Variants in CSMD1 observed in about 807,000 individuals in gnomAD.
CSMD1 encodes the protein CUB and sushi domain-containing protein 1.
CSMD1 carries 213 observed loss-of-function variants against 417.5 expected under a neutral mutation model. The ratio of observed to expected loss-of-function variants is 0.51; its 90% CI spans 0.46 to 0.57. The LOEUF is 0.57. CSMD1 is among the 20% of genes least tolerant of loss of function. The probability of loss-of-function intolerance (pLI) is 0.00; values close to 1 mark genes in which losing one functional copy is unlikely to be tolerated. For missense variants in CSMD1, 6,923 were observed against 4,529.7 expected (o/e 1.53, Z -15.17); for synonymous variants, 2,862 against 1,736.8 (o/e 1.65, Z -16.11).
At position 4,392,875 on chromosome 8, in the gene CSMD1, A is replaced by C. The variant is rs1803945568; in HGVS notation, c.415+27078T>G. Among the ~76,000 whole-genome samples, 3 of 152,052 alleles carry C rather than the reference A, an allele frequency of 2.0e-5. No homozygotes were observed. The South Asian group carries it at 6.2e-4, about 32-fold the overall frequency. On this transcript the variant is annotated intron_variant, in intron 3 of 69. Transcript: ENST00000635120. Reference sequence around the variant, plus strand: ...CCCAGCTACCCAGGGAGGCTAAGGCAGGAGAATTGCTTGAACCCAGGAGAC... The same window carrying C: ...CCCAGCTACCCAGGGAGGCTAAGGCCGGAGAATTGCTTGAACCCAGGAGAC...
At chr8:4,668,110 G>C in intron 1 of CSMD1, among the ~76,000 whole-genome samples, 1 of 152,090 alleles carries the variant, frequency 6.6e-6, no homozygotes, top group Middle Eastern at 3.2e-3. Flanking sequence ...GTAGCTTTTA[G>C]CAGATATTGC....
intron 5 of CSMD1, among the ~76,000 whole-genome samples, chr8:3,768,978 C>G (rs755672519): frequency 6.6e-6 from 1 of 152,208 alleles, no homozygotes; most frequent in Admixed American, 6.5e-5. Flanking sequence ...AAAGGCCTGG[C>G]GGATTCCCGC....
chr8:3,801,035 A>C (rs1038295997), intron 5 of CSMD1, among the ~76,000 whole-genome samples: 21 of 152,194 alleles, frequency 1.4e-4, no homozygotes, highest in African/African-American at 5.1e-4. Flanking sequence ...CAAAAGAGTA[A>C]ATCTTTATAA....
At chr8:4,091,276 A>C (rs1001163082) in intron 3 of CSMD1, among the ~76,000 whole-genome samples, 17 of 152,166 alleles carry the variant, frequency 1.1e-4, no homozygotes, top group African/African-American at 3.6e-4. Flanking sequence ...TAATAATCTA[A>C]TAAAATTTCC....
intron 5 of CSMD1, among the ~76,000 whole-genome samples, chr8:3,805,186 A>T (rs1168960120): frequency 6.6e-6 from 1 of 152,178 alleles, no homozygotes; most frequent in African/African-American, 2.4e-5. Context: ...ATTCCCCAGG[A>T]CTACAACATG....
chr8:4,596,442 T>C (rs1404694545), intron 2 of CSMD1, among the ~76,000 whole-genome samples: 1 of 152,192 alleles, frequency 6.6e-6, no homozygotes, highest in African/African-American at 2.4e-5. Flanking sequence ...ATAGCAATTT[T>C]GATCATTATG....
intron 8 of CSMD1, among the ~76,000 whole-genome samples, chr8:3,601,794 G>A (rs747540490): frequency 5.9e-4 from 90 of 152,264 alleles, no homozygotes; most frequent in Admixed American, 4.1e-3. Context: ...TTTCCAATTC[G>A]TTTAAAAACT....
chr8:3,903,859 G>A (rs183814317), intron 5 of CSMD1, among the ~76,000 whole-genome samples: 1 of 151,778 alleles, frequency 6.6e-6, no homozygotes, highest in Non-Finnish European at 1.5e-5. Flanking sequence ...GTTTGTTAGG[G>A]AGTCATTGCC....
intron 5 of CSMD1, among the ~76,000 whole-genome samples, chr8:3,835,123 CTGTAAA>C (rs1347417336): frequency 6.8e-6 from 1 of 147,780 alleles, no homozygotes; most frequent in Non-Finnish European, 1.5e-5. Flanking sequence ...GTTGGTGGGA[CTGTAAA>C]CTAGTCCAAC....
chr8:4,104,795 G>C (rs1801485684), intron 3 of CSMD1, among the ~76,000 whole-genome samples: 1 of 152,172 alleles, frequency 6.6e-6, no homozygotes, highest in Non-Finnish European at 1.5e-5. Flanking sequence ...GCTATTTGCT[G>C]ACCTTTACGA....
At chr8:4,077,306 T>TATATGTACATATATATATATGTATATAC (rs1554439900) in intron 3 of CSMD1, among the ~76,000 whole-genome samples, 1 of 138,574 alleles carries the variant, frequency 7.2e-6, no homozygotes, top group African/African-American at 2.7e-5. Context: ...TGTATATATA[T>TATATGTACATATATATATATGTATATAC]ATATATATAT....
At chr8:3,753,066 G>C (rs1797442401) in intron 6 of CSMD1, among the ~76,000 whole-genome samples, 2 of 152,186 alleles carry the variant, frequency 1.3e-5, no homozygotes, top group Admixed American at 6.5e-5. Flanking sequence ...GCAGCATGGA[G>C]GATGCTGTAA....
chr8:3,864,988 T>C (rs779753242), intron 5 of CSMD1, among the ~76,000 whole-genome samples: 1 of 152,240 alleles, frequency 6.6e-6, no homozygotes, highest in Non-Finnish European at 1.5e-5. Context: ...TGACATCATC[T>C]GCTTTAGTCT....
chr8:3,815,510 T>C (rs1031401261), intron 5 of CSMD1, among the ~76,000 whole-genome samples: 2 of 151,506 alleles, frequency 1.3e-5, no homozygotes, highest in Admixed American at 6.6e-5. Context: ...TGTAAGACTA[T>C]GTTTAAACAA....
intron 3 of CSMD1, among the ~76,000 whole-genome samples, chr8:4,377,887 A>C (rs951523053): frequency 1.3e-5 from 2 of 152,240 alleles, no homozygotes; most frequent in African/African-American, 4.8e-5. Flanking sequence ...GAATTGAATT[A>C]GTATGGATTA....
At chr8:4,078,778 G>C (rs547802903) in intron 3 of CSMD1, among the ~76,000 whole-genome samples, 1 of 149,714 alleles carries the variant, frequency 6.7e-6, no homozygotes, top group Non-Finnish European at 1.5e-5. Context: ...GCTTACACCT[G>C]TAATCCTAGC....
At chr8:3,519,638 C>T (rs1003443881) in intron 10 of CSMD1, among the ~76,000 whole-genome samples, 3 of 152,184 alleles carry the variant, frequency 2.0e-5, no homozygotes, top group East Asian at 1.9e-4. Context: ...ATCTGTAGCA[C>T]ATGCATACGA....
intron 8 of CSMD1, among the ~76,000 whole-genome samples, chr8:3,611,338 C>A (rs1221801062): frequency 6.6e-6 from 1 of 151,796 alleles, no homozygotes; most frequent in Admixed American, 6.6e-5. Flanking sequence ...GTCTCTAGGG[C>A]TTGGTGAAGC....
chr8:4,963,459 C>A (rs891614145), intron 1 of CSMD1, among the ~76,000 whole-genome samples: 3 of 152,174 alleles, frequency 2.0e-5, no homozygotes, highest in Non-Finnish European at 4.4e-5. Flanking sequence ...CTCGACCTCC[C>A]AAAGTGCTGG....
Sources: gnomAD v4.1 joint callset for allele counts (sites outside exome capture counted in the v4.1 genomes callset) on GRCh38, gnomAD v4.1.1 for gene constraint, MANE v1.5 for transcripts, NCBI Gene and HGNC (gene_info 2026-07-23, HGNC 2026-07-21) for gene names.